CNOT10: variants seen among roughly 807,000 people sequenced by gnomAD.
CNOT10 encodes CCR4-NOT transcription complex, subunit 10.
CNOT10 carries 30 observed loss-of-function variants against 94.6 expected under a neutral mutation model. The observed-to-expected ratio is 0.32, with a 90% CI of 0.24 to 0.43. The LOEUF (loss-of-function observed/expected upper bound fraction) is 0.43, where lower values mean the gene tolerates loss of function less well. Among genes scored for constraint, CNOT10 ranks in the 20% least tolerant of loss-of-function variants. The pLI is 1.00. For missense variants in CNOT10, 759 were observed against 877.2 expected (o/e 0.87, Z 1.70); for synonymous variants, 289 against 301.6 (o/e 0.96, Z 0.43).
chr3:32,720,265 T>G, intron 8 of CNOT10, 34 bp downstream of exon 8: 1 of 1,079,668 alleles, frequency 9.3e-7, no homozygotes, highest in Non-Finnish European at 1.4e-6. Flanking sequence ...AACTTTTTTT[T>G]GCCTTGCTCT....
rs1055736481 is a variant in CNOT10 at position 32,738,016 on chromosome 3, T to C, written c.1595+526T>C. On this transcript the variant is annotated intron_variant, in intron 13 of 18. Coordinates refer to ENST00000328834, the MANE Select transcript of CNOT10 (RefSeq NM_015442.3). ...TCCGTGAGGAAGATTGGTCCATACT[T>C]TTCTTTCCTAGAAATGATTTTGTCA... Among the ~76,000 whole-genome samples, 3 of 152,180 alleles carry C rather than the reference T, an allele frequency of 2.0e-5. 1 individual carries two copies. In the South Asian group the frequency reaches 6.2e-4, roughly 32 times the overall value.
chr3:32,753,246 A>AT, intron 13 of CNOT10: 1 of 777,524 alleles, frequency 1.3e-6, no homozygotes, highest in Non-Finnish European at 2.3e-6. Flanking sequence ...GCAGATGCTA[A>AT]TTTCAGTGTC....
chr3:32,713,477 T>C, intron 5 of CNOT10, 108 bp downstream of exon 5: 1 of 882,242 alleles, frequency 1.1e-6, no homozygotes, highest in Non-Finnish European at 1.7e-6. Context: ...TTAATGTTTG[T>C]GGTTATGAAC....
intron 1 of CNOT10, among the ~76,000 whole-genome samples, chr3:32,696,233 T>C (rs937587575): frequency 4.6e-5 from 7 of 151,936 alleles, no homozygotes; most frequent in Admixed American, 3.3e-4. Context: ...GGAGAATCAC[T>C]TGAACCTGGG....
intron 10 of CNOT10, among the ~76,000 whole-genome samples, chr3:32,730,262 C>T (rs536872263): frequency 1.3e-5 from 2 of 152,080 alleles, no homozygotes; most frequent in Admixed American, 6.6e-5. Flanking sequence ...AGAAATAGTA[C>T]TTTTAGGATT....
chr3:32,738,804 A>G (rs1699314049), intron 13 of CNOT10, among the ~76,000 whole-genome samples: 1 of 151,864 alleles, frequency 6.6e-6, no homozygotes, highest in Admixed American at 6.6e-5. Context: ...TTATTTTTCA[A>G]GGAATTTTCT....
chr3:32,756,305 T>A (rs1457650696), intron 13 of CNOT10, among the ~76,000 whole-genome samples: 1 of 152,126 alleles, frequency 6.6e-6, no homozygotes, highest in Non-Finnish European at 1.5e-5. Context: ...GAATGATTAT[T>A]TTTTATAGTC....
chr3:32,704,172 G>A (rs1697503775), intron 2 of CNOT10, among the ~76,000 whole-genome samples: 1 of 152,114 alleles, frequency 6.6e-6, no homozygotes, highest in Non-Finnish European at 1.5e-5. Context: ...CCAAGTTTTT[G>A]TAAACATGTT....
At chr3:32,769,106 C>T (rs1363208023) in intron 17 of CNOT10, 1 of 152,232 alleles carries the variant, frequency 6.6e-6, no homozygotes, top group East Asian at 1.9e-4. Context: ...TCCATACCCA[C>T]CTCTGTTCAA....
Position 32,696,011 on chromosome 3 carries a change from G to T in CNOT10, c.23-7857G>T, listed in dbSNP as rs111523082. Among the ~76,000 whole-genome samples, 378 of 147,150 alleles carry T rather than the reference G, an allele frequency of 2.6e-3. 3 individuals are homozygous for T. The highest frequency in any genetic ancestry group is 9.0e-3 in the African/African-American group (356 of 39,532). ...TGTGTGTGTGTGTGTGTGTGTGTGT[G>T]TGTGTATTTGAAATGGGGTCTTGGC... On this transcript the variant is annotated intron_variant, in intron 1 of 18. Transcript: ENST00000328834.
intron 1 of CNOT10, among the ~76,000 whole-genome samples, chr3:32,703,209 C>T (rs892942865): frequency 1.3e-5 from 2 of 151,732 alleles, no homozygotes; most frequent in Admixed American, 6.6e-5. Flanking sequence ...CAGGCGTGAG[C>T]CACCGTGCCT....
intron 13 of CNOT10, among the ~76,000 whole-genome samples, chr3:32,742,288 G>A (rs1452418143): frequency 6.6e-6 from 1 of 152,114 alleles, no homozygotes; most frequent in Non-Finnish European, 1.5e-5. Flanking sequence ...AGGGAAGTAA[G>A]ATGTGTAGTG....
chr3:32,748,844 T>G (rs1465163298), intron 13 of CNOT10, among the ~76,000 whole-genome samples: 1 of 147,012 alleles, frequency 6.8e-6, no homozygotes, highest in Non-Finnish European at 1.5e-5. Flanking sequence ...TTGTTTTTGT[T>G]TTTTGAGAGG....
intron 8 of CNOT10, among the ~76,000 whole-genome samples, chr3:32,720,596 G>A (rs1027177182): frequency 1.3e-4 from 19 of 151,318 alleles, no homozygotes; most frequent in East Asian, 1.9e-4. Flanking sequence ...AGGCTCCAGC[G>A]ATCCTCCCAC....
intron 13 of CNOT10, chr3:32,753,622 G>T (rs932038489): frequency 6.3e-7 from 1 of 1,576,308 alleles, no homozygotes; most frequent in East Asian, 2.2e-5. Flanking sequence ...CATAGCAGGT[G>T]TAAAGCACCT....
At chr3:32,746,006 T>C (rs1699681037) in intron 13 of CNOT10, among the ~76,000 whole-genome samples, 1 of 152,196 alleles carries the variant, frequency 6.6e-6, no homozygotes, top group African/African-American at 2.4e-5. Flanking sequence ...CAAAACCAAT[T>C]ACTAATGCAC....
chr3:32,713,085 T>C (rs564802919), intron 4 of CNOT10, 142 bp from the exon 5 acceptor site: 1 of 567,366 alleles, frequency 1.8e-6, no homozygotes, highest in South Asian at 3.4e-5. Flanking sequence ...CTTTCATTCG[T>C]GGCTCTAGGT....
At chr3:32,745,121 C>T (rs969966586) in intron 13 of CNOT10, among the ~76,000 whole-genome samples, 17 of 152,228 alleles carry the variant, frequency 1.1e-4, no homozygotes, top group African/African-American at 3.6e-4. Flanking sequence ...TCAAGCGATC[C>T]GCCCATCTTG....
intron 4 of CNOT10, among the ~76,000 whole-genome samples, chr3:32,710,147 C>CAAAAAA (rs68126514): frequency 1.4e-5 from 1 of 70,660 alleles, no homozygotes; most frequent in Non-Finnish European, 2.9e-5. Flanking sequence ...AACTTGCTCT[C>CAAAAAA]AAAAAAAAAA....
Sources: gnomAD v4.1 joint callset for allele counts (sites outside exome capture counted in the v4.1 genomes callset) on GRCh38, gnomAD v4.1.1 for gene constraint, MANE v1.5 for transcripts, NCBI Gene and HGNC (gene_info 2026-07-23, HGNC 2026-07-21) for gene names.